Variants in PCDHGA8 observed in about 807,000 individuals in gnomAD.
PCDHGA8 encodes protocadherin gamma subfamily A, 8, also known as protocadherin gamma-A8.
PCDHGA8 carries 45 observed loss-of-function variants against 59.2 expected under a neutral mutation model. The observed-to-expected ratio is 0.76, with a 90% CI of 0.60 to 0.98. The LOEUF (loss-of-function observed/expected upper bound fraction) is 0.98. PCDHGA8 is among the 50% of genes least tolerant of loss of function. PCDHGA8 has a pLI of 0.00. For synonymous variants in PCDHGA8, 531 were observed against 519.0 expected, an observed-to-expected ratio of 1.02 and a Z score of -0.32; for missense variants, 1,257 against 1,196.2, an observed-to-expected ratio of 1.05 and a Z score of -0.75.
intron 1 of PCDHGA8, among the ~76,000 whole-genome samples, chr5:141,469,004 C>T (rs570896326): frequency 3.3e-5 from 5 of 151,802 alleles, no homozygotes; most frequent in Admixed American, 2.0e-4. Flanking sequence ...TTGCTGGGTG[C>T]GGTGGGTCAC....
In PCDHGA8 at chr5:141,409,837, C is replaced by G. The variant is rs182654621; in HGVS notation, c.2424+14600C>G. 823 of 1,611,470 alleles carry G rather than the reference C, an allele frequency of 5.1e-4. 5 individuals carry two copies. The East Asian group carries it at 9.5e-3, about 19-fold the overall frequency. On this transcript the variant is annotated intron_variant, in intron 1 of 3. Coordinates refer to ENST00000398604, the MANE Select transcript of PCDHGA8 (RefSeq NM_032088.2). ...ACGGCTCGCCCACGCTCAGCGCCAACGTGAGCCTGCGCGTGTTGGTGGGAG... is the reference window on the plus strand; with the variant it reads ...ACGGCTCGCCCACGCTCAGCGCCAAGGTGAGCCTGCGCGTGTTGGTGGGAG...
At chr5:141,458,735 A>G (rs2098952642) in intron 1 of PCDHGA8, among the ~76,000 whole-genome samples, 1 of 148,560 alleles carries the variant, frequency 6.7e-6, no homozygotes, top group East Asian at 2.0e-4. Context: ...ACATCCAGCT[A>G]TTGGTTTTGG....
At chr5:141,415,502 A>C (rs1162629839) in intron 1 of PCDHGA8, 6 of 1,614,086 alleles carry the variant, frequency 3.7e-6, no homozygotes, top group Admixed American at 1.7e-5. Flanking sequence ...ATCTTCCCCC[A>C]GCCCAATTAT....
Position 141,485,193 on chromosome 5 carries a change from G to C in PCDHGA8, c.2425-9614G>C. 1 of 1,613,988 alleles carries C rather than the reference G, an allele frequency of 6.2e-7. No individual in the cohort carries two copies. Among genetic ancestry groups the C allele is most frequent in the Non-Finnish European group, 8.5e-7 (1 of 1,179,852 alleles). On this transcript the variant is annotated intron_variant, in intron 1 of 3. Transcript: ENST00000398604. This position sits in a 1 kb window ranked among gnomAD's most constrained non-coding sequence, Gnocchi z 5.7. ...GCAGCAATGCTCCGCAAGGTGAGAA[G>C]CTGGACAGAAATCTGGCGGTGGGCT...
rs1436956912 is a variant in PCDHGA8, at chr5:141,438,609, TATATATATATATATATATATATATATAC to T, written c.2424+43374_2424+43401del. Reference sequence around the variant, plus strand: ...ATACATACATATATATATATATATATATATATATATATATATATATATATATACACACACACACACACATATATGTATA... The same window carrying T: ...ATACATACATATATATATATATATATACACACACACACACATATATGTATA... On this transcript the variant is annotated intron_variant, in intron 1 of 3. Coordinates refer to ENST00000398604, the MANE Select transcript of PCDHGA8 (RefSeq NM_032088.2). Among the ~76,000 whole-genome samples the T allele has an allele frequency of 2.2e-3, 92 of 41,082 alleles. 2 individuals are homozygous for T. Among genetic ancestry groups the T allele is most frequent in the East Asian group, 7.4e-3 (6 of 810 alleles). The allele number at this position is 41,082 out of a possible 152,430, so 27.0% of individuals were successfully genotyped here.
At chr5:141,413,822 T>G in intron 1 of PCDHGA8, 1 of 1,613,216 alleles carries the variant, frequency 6.2e-7, no homozygotes, top group Non-Finnish European at 8.5e-7. Context: ...CACCTGGTCC[T>G]CACCGCCTCC....
chr5:141,409,624 G>C lies in PCDHGA8; in HGVS notation c.2424+14387G>C, dbSNP rs747166507. 11 of 1,613,728 alleles carry C rather than the reference G, an allele frequency of 6.8e-6. No homozygotes were observed. The South Asian group carries it at 8.8e-5, about 13-fold the overall frequency. On this transcript the variant is annotated intron_variant, in intron 1 of 3. Transcript: ENST00000398604. The stretch of plus-strand genomic sequence containing the variant: ...CGCCAGGAGCCTCCATTGCGCAAGT[G>C]AGCGCCTCTGACCCGGATTTGGGGC...
chr5:141,422,809 G>A (rs1169197801), intron 1 of PCDHGA8: 8 of 1,614,232 alleles, frequency 5.0e-6, no homozygotes, highest in Non-Finnish European at 6.8e-6. Context: ...GCAGTTTCGA[G>A]ACTTAGAACT....
chr5:141,440,181 G>A (rs1419736461), intron 1 of PCDHGA8: 7 of 152,312 alleles, frequency 4.6e-5, no homozygotes, highest in Non-Finnish European at 8.8e-5. Context: ...CTTTGAAATA[G>A]TTGAAGGCCA....
At position 141,403,413 on chromosome 5, in the gene PCDHGA8, T is replaced by G. The variant is rs1467852757; in HGVS notation, c.2424+8176T>G. The G allele has an allele frequency of 1.2e-6, 2 of 1,613,928 alleles. No individual in the cohort carries two copies. Among genetic ancestry groups the G allele is most frequent in the African/African-American group, 2.7e-5 (2 of 74,948 alleles). ...GCGGTTCCTGGAGCACGTTATCCACTTCCAGAAGCTATTGATCCGGATGTT... is the reference window on the plus strand; with the variant it reads ...GCGGTTCCTGGAGCACGTTATCCACGTCCAGAAGCTATTGATCCGGATGTT... On this transcript the variant is annotated intron_variant, in intron 1 of 3. Transcript: ENST00000398604.
Position 141,394,860 on chromosome 5 carries a change from G to T in PCDHGA8, c.2047G>T (p.Asp683Tyr). Residue 683 changes from aspartate (D) to tyrosine (Y), a missense_variant, in exon 1 of 4, where the codon GAC becomes TAC. Coordinates refer to ENST00000398604, the MANE Select transcript of PCDHGA8 (RefSeq NM_032088.2). ...TELGSLKPSV[D>Y]PNDSSLTLYL... ...GTTGGGCAGTCTGAAGCCTTCGGTC[G>T]ACCCGAACGATTCGAGCCTTACACT... The T allele has an allele frequency of 1.2e-6, 2 of 1,613,792 alleles. No individual in the cohort carries two copies. The highest frequency in any genetic ancestry group is 1.7e-6 in the Non-Finnish European group (2 of 1,179,914).
intron 1 of PCDHGA8, among the ~76,000 whole-genome samples, chr5:141,438,149 A>G (rs1441404688): frequency 6.6e-6 from 1 of 152,220 alleles, no homozygotes; most frequent in African/African-American, 2.4e-5. Context: ...TAGCCAGCCT[A>G]TGGCAAAGCT....
At chr5:141,500,723 G>A (rs6875791) in intron 2 of PCDHGA8, among the ~76,000 whole-genome samples, 4,890 of 152,100 alleles carry the variant, frequency 0.032, 255 homozygotes, top group African/African-American at 0.11. Flanking sequence ...ATTTCCCCAT[G>A]TCTTTCAAAA....
Position 141,431,962 on chromosome 5 carries a change from C to G in PCDHGA8, c.2424+36725C>G. 1.2e-6 allele frequency: 2 copies of G among 1,614,190 alleles called. No homozygotes were observed. Among genetic ancestry groups the G allele is most frequent in the South Asian group, 2.2e-5 (2 of 91,086 alleles). ...AATTAGAAAAATCTTACGGAAATTACTATAGTTTAGTCACAGACATAGTCT... is the reference window on the plus strand; with the variant it reads ...AATTAGAAAAATCTTACGGAAATTAGTATAGTTTAGTCACAGACATAGTCT... On this transcript the variant is annotated intron_variant, in intron 1 of 3. Transcript: ENST00000398604. The surrounding 1 kb of genome is among the most constrained non-coding windows in gnomAD (Gnocchi z 4.8).
chr5:141,510,289 A>T (rs1279501931), intron 3 of PCDHGA8, among the ~76,000 whole-genome samples: 3 of 151,754 alleles, frequency 2.0e-5, no homozygotes, highest in Non-Finnish European at 4.4e-5. Context: ...AAAAAAAAAA[A>T]AATGCTGTTT....
chr5:141,430,509 G>T, intron 1 of PCDHGA8: 1 of 328,564 alleles, frequency 3.0e-6, no homozygotes. Flanking sequence ...GGGAGTTCAA[G>T]ATTGTGCAGT....
At chr5:141,497,077 G>A (rs191605427) in intron 2 of PCDHGA8, among the ~76,000 whole-genome samples, 4 of 151,990 alleles carry the variant, frequency 2.6e-5, no homozygotes, top group East Asian at 3.9e-4. Flanking sequence ...TAATCCCAGC[G>A]ACTTAGGAGG....
chr5:141,404,214 C>A, intron 1 of PCDHGA8: 1 of 1,613,562 alleles, frequency 6.2e-7, no homozygotes, highest in Non-Finnish European at 8.5e-7. Flanking sequence ...TATAATATCA[C>A]GGTGACTGCA....
At chr5:141,435,994 G>T (rs1007093302) in intron 1 of PCDHGA8, among the ~76,000 whole-genome samples, 18 of 152,046 alleles carry the variant, frequency 1.2e-4, no homozygotes, top group Admixed American at 1.2e-3. Context: ...GTGATTTTTT[G>T]AAAGAAAGTA....
Sources: gnomAD v4.1 joint callset for allele counts (sites outside exome capture counted in the v4.1 genomes callset) on GRCh38, gnomAD v4.1.1 for gene constraint, Gnocchi (gnomAD v3.1) non-coding constraint, MANE v1.5 for transcripts, NCBI Gene and HGNC (gene_info 2026-07-23, HGNC 2026-07-21) for gene names.